The following RABGEF1 variants were observed in gnomAD, a reference collection of about 807,000 sequenced individuals.
RABGEF1 encodes rab5 GDP/GTP exchange factor.
Under a neutral mutation model 57.3 loss-of-function variants are expected in RABGEF1, and 26 were observed. The observed-to-expected ratio is 0.45, with a 90% confidence interval of 0.33 to 0.63. The LOEUF is 0.63. Among genes scored for constraint, RABGEF1 ranks in the 20% least tolerant of loss-of-function variants. RABGEF1 has a pLI of 0.02. For synonymous variants in RABGEF1, 185 were observed against 210.7 expected, an observed-to-expected ratio of 0.88 and a Z score of 1.06; for missense variants, 464 against 607.6, an observed-to-expected ratio of 0.76 and a Z score of 2.48.
intron 1 of RABGEF1, among the ~76,000 whole-genome samples, chr7:66,745,639 T>G (rs1453286506): frequency 6.6e-6 from 1 of 151,634 alleles, no homozygotes; most frequent in African/African-American, 2.4e-5. Context: ...CATGGTGATG[T>G]GCGCCTGTGA....
intron 1 of RABGEF1, among the ~76,000 whole-genome samples, chr7:66,708,575 C>T (rs994194697): frequency 7.2e-5 from 11 of 152,144 alleles, no homozygotes; most frequent in African/African-American, 2.4e-4. Context: ...AGGCGTGAGC[C>T]ACCGCCCCTG....
At chr7:66,740,562 G>C (rs551178424), upstream of RABGEF1, 8 of 152,656 alleles carry the variant, frequency 5.2e-5, no homozygotes, top group Middle Eastern at 3.3e-3. Context: ...GGGCGTCAGG[G>C]CGGTACCCCA....
the RABGEF1 span, among the ~76,000 whole-genome samples, chr7:66,666,462 C>A: frequency 6.6e-6 from 1 of 152,200 alleles, no homozygotes; most frequent in Non-Finnish European, 1.5e-5. Flanking sequence ...GCAACTGAGG[C>A]CGAAGTGAGC....
At chr7:66,774,172 G>C (rs1402516588) in intron 2 of RABGEF1, among the ~76,000 whole-genome samples, 1 of 152,130 alleles carries the variant, frequency 6.6e-6, no homozygotes, top group Non-Finnish European at 1.5e-5. Flanking sequence ...GCTACAACTT[G>C]ACCAAGTTCT....
chr7:66,660,971 A>G, the RABGEF1 span, among the ~76,000 whole-genome samples: 2 of 152,128 alleles, frequency 1.3e-5, no homozygotes, highest in African/African-American at 4.8e-5. Flanking sequence ...CATGCTGGTA[A>G]TCCCAGCACT....
At chr7:66,658,476 G>A in the RABGEF1 span, among the ~76,000 whole-genome samples, 2 of 149,794 alleles carry the variant, frequency 1.3e-5, no homozygotes, top group Non-Finnish European at 3.0e-5. Flanking sequence ...AAGTTGCAGT[G>A]AGCTGAGATC....
chr7:66,745,429 A>C (rs1799971288), intron 1 of RABGEF1, among the ~76,000 whole-genome samples: 1 of 152,178 alleles, frequency 6.6e-6, no homozygotes, highest in Non-Finnish European at 1.5e-5. Flanking sequence ...GACTCAGAAT[A>C]GAAATGGTAC....
intron 1 of RABGEF1, among the ~76,000 whole-genome samples, chr7:66,697,027 C>T (rs972668336): frequency 6.6e-6 from 1 of 152,162 alleles, no homozygotes; most frequent in Non-Finnish European, 1.5e-5. Context: ...GAAGGAGGCA[C>T]CCCTGACCCC....
intron 2 of RABGEF1, among the ~76,000 whole-genome samples, chr7:66,718,092 C>T (rs1160198957): frequency 6.6e-6 from 1 of 152,078 alleles, no homozygotes; most frequent in Non-Finnish European, 1.5e-5. Flanking sequence ...CATGGTGGCC[C>T]AGCACTTTGG....
chr7:66,688,040 G>A (rs77902179), intron 1 of RABGEF1, among the ~76,000 whole-genome samples: 5,490 of 141,096 alleles, frequency 0.039, 157 homozygotes, highest in East Asian at 0.089. Flanking sequence ...AGCTGAGATC[G>A]TGTTATTGCA....
chr7:66,736,580 G>T (rs12537771), upstream of RABGEF1, among the ~76,000 whole-genome samples: 1 of 152,152 alleles, frequency 6.6e-6, no homozygotes, highest in African/African-American at 2.4e-5. Context: ...CCTGATTTAA[G>T]AGCTATCAGG....
chr7:66,683,012 G>T (rs552019910), intron 1 of RABGEF1, among the ~76,000 whole-genome samples: 1 of 152,186 alleles, frequency 6.6e-6, no homozygotes, highest in Non-Finnish European at 1.5e-5. Context: ...TGTCGTGGGC[G>T]TCCGTGGGCT....
At chr7:66,768,293 C>T (rs1806249286) in intron 1 of RABGEF1, among the ~76,000 whole-genome samples, 1 of 152,188 alleles carries the variant, frequency 6.6e-6, no homozygotes, top group South Asian at 2.1e-4. Flanking sequence ...CAGTATGTAG[C>T]AAAGGCCTCT....
intron 1 of RABGEF1, among the ~76,000 whole-genome samples, chr7:66,701,518 A>G (rs1020460285): frequency 3.0e-5 from 3 of 101,608 alleles, no homozygotes; most frequent in African/African-American, 1.1e-4. Context: ...TTTTTTTTTT[A>G]ATTTTTTGAG....
At position 66,776,363 on chromosome 7, in the gene RABGEF1, A is replaced by G. The variant is rs193043492; in HGVS notation, c.346+970A>G. Among the ~76,000 whole-genome samples the G allele has an allele frequency of 4.1e-3, 630 of 152,288 alleles. 4 individuals carry two copies. The highest frequency in any genetic ancestry group is 0.014 in the African/African-American group (579 of 41,548). ...TTTCCTTTTGTTTTATTAAAAGGAA[A>G]TATTGCTCATAACCAAAAACACACC... On this transcript the variant is annotated intron_variant, in intron 3 of 8. Transcript: ENST00000284957.
At chr7:66,692,839 T>C (rs980849772) in intron 1 of RABGEF1, among the ~76,000 whole-genome samples, 2 of 151,900 alleles carry the variant, frequency 1.3e-5, no homozygotes, top group African/African-American at 4.8e-5. Context: ...TTCCACAGAG[T>C]CCACACAGCT....
At chr7:66,771,536 A>T (rs557716445) in intron 1 of RABGEF1, among the ~76,000 whole-genome samples, 1 of 152,318 alleles carries the variant, frequency 6.6e-6, no homozygotes, top group Non-Finnish European at 1.5e-5. Context: ...TGCAAAATCC[A>T]GTGTCGGGAA....
chr7:66,658,297 C>T, the RABGEF1 span, among the ~76,000 whole-genome samples: 1 of 152,052 alleles, frequency 6.6e-6, no homozygotes, highest in Admixed American at 6.6e-5. Context: ...CTTTGGGAGG[C>T]CAAGGTAGGC....
At chr7:66,654,883 C>T in the RABGEF1 span, among the ~76,000 whole-genome samples, 15,882 of 152,310 alleles carry the variant, frequency 0.1, 911 homozygotes, top group Non-Finnish European at 0.11. Context: ...TGCTCGTTGC[C>T]GGCATCTCCA....
Sources: gnomAD v4.1 joint callset for allele counts (sites outside exome capture counted in the v4.1 genomes callset) on GRCh38, gnomAD v4.1.1 for gene constraint, MANE v1.5 for transcripts, NCBI Gene and HGNC (gene_info 2026-07-23, HGNC 2026-07-21) for gene names.